ENAH: variants seen among roughly 807,000 people sequenced by gnomAD.
The protein encoded by ENAH is protein enabled homolog.
ENAH carries 23 observed loss-of-function variants against 78.7 expected under a neutral mutation model. That is an observed-to-expected ratio of 0.29 (90% confidence interval 0.21 to 0.41). ENAH has a LOEUF of 0.41. Ranked by LOEUF, ENAH falls within the 10% of genes least tolerant of loss-of-function variation. The probability of loss-of-function intolerance (pLI) is 1.00; values close to 1 mark genes in which losing one functional copy is unlikely to be tolerated. For synonymous variants in ENAH, 226 were observed against 241.0 expected, an observed-to-expected ratio of 0.94 and a Z score of 0.58; for missense variants, 544 against 691.0, an observed-to-expected ratio of 0.79 and a Z score of 2.39.
At chr1:225,529,056 G>GCTGTCACAACACTGCAC (rs1040736753) in intron 4 of ENAH, among the ~76,000 whole-genome samples, 3 of 152,132 alleles carry the variant, frequency 2.0e-5, no homozygotes, top group African/African-American at 7.2e-5. Flanking sequence ...TTGTTGAGCT[G>GCTGTCACAACACTGCAC]CTGTCACAAC....
intron 12 of ENAH, 48 bp from the exon 13 acceptor site, chr1:225,498,452 TAA>T (rs2096262229): frequency 8.5e-7 from 1 of 1,171,996 alleles, no homozygotes; most frequent in Admixed American, 2.2e-5. Flanking sequence ...AAATTACCAC[TAA>T]AGAGATTCTT....
At chr1:225,632,877 G>A (rs141653734) in intron 1 of ENAH, among the ~76,000 whole-genome samples, 9 of 152,210 alleles carry the variant, frequency 5.9e-5, no homozygotes, top group African/African-American at 2.2e-4. Context: ...GCTTGGAAAT[G>A]AGACAAAGCT....
intron 1 of ENAH, among the ~76,000 whole-genome samples, chr1:225,617,370 G>A (rs1028521515): frequency 2.0e-5 from 3 of 152,076 alleles, no homozygotes; most frequent in African/African-American, 4.8e-5. Flanking sequence ...CACAAAAGAC[G>A]TTCTAGTACT....
At chr1:225,596,930 A>C (rs1262724088) in intron 1 of ENAH, among the ~76,000 whole-genome samples, 1 of 152,188 alleles carries the variant, frequency 6.6e-6, no homozygotes, top group Non-Finnish European at 1.5e-5. Flanking sequence ...GTGGGATAAA[A>C]ATGGCAACTA....
intron 10 of ENAH, 40 bp from the exon 11 acceptor site, chr1:225,508,057 G>GCTT: frequency 1.6e-6 from 2 of 1,277,136 alleles, no homozygotes; most frequent in Non-Finnish European, 2.2e-6. Flanking sequence ...ATAAATAAAT[G>GCTT]CTTCCAGAGT....
chr1:225,551,270 T>C lies in ENAH; in HGVS notation c.349+3636A>G, dbSNP rs189894123. On this transcript the variant is annotated intron_variant, in intron 3 of 13. Transcript: ENST00000366843. Reference sequence around the variant, plus strand: ...CTTCTGTACTTTCCAGTATATTAGATAATTGCATACCAAGTTAAAAACAAA... The same window carrying C: ...CTTCTGTACTTTCCAGTATATTAGACAATTGCATACCAAGTTAAAAACAAA... 6.6e-5 allele frequency among the ~76,000 whole-genome samples: 10 copies of C among 152,258 alleles called. 1 individual carries two copies. In the East Asian group the frequency reaches 1.9e-3, roughly 29 times the overall value.
intron 1 of ENAH, among the ~76,000 whole-genome samples, chr1:225,597,900 T>C (rs911985690): frequency 2.0e-5 from 3 of 152,068 alleles, no homozygotes; most frequent in Admixed American, 2.0e-4. Context: ...CCTTACTTTC[T>C]AATCAATGAC....
At chr1:225,546,837 T>C (rs576128061) in intron 3 of ENAH, among the ~76,000 whole-genome samples, 6 of 152,312 alleles carry the variant, frequency 3.9e-5, no homozygotes, top group East Asian at 1.9e-4. Context: ...TTTTGCCACA[T>C]TGTGAACTAT....
intron 1 of ENAH, among the ~76,000 whole-genome samples, chr1:225,641,298 T>C (rs754583693): frequency 1.3e-4 from 19 of 151,772 alleles, no homozygotes; most frequent in Admixed American, 1.1e-3. Context: ...AAATTATGCA[T>C]TTTCCTTCTA....
chr1:225,531,949 A>G (rs150761235), intron 3 of ENAH, among the ~76,000 whole-genome samples: 1 of 152,090 alleles, frequency 6.6e-6, no homozygotes, highest in East Asian at 1.9e-4. Context: ...CTGCAGTGAT[A>G]TATTTCATTA....
At chr1:225,615,805 G>A (rs1238187329) in intron 1 of ENAH, among the ~76,000 whole-genome samples, 4 of 150,384 alleles carry the variant, frequency 2.7e-5, no homozygotes, top group African/African-American at 4.9e-5. Context: ...CCCTCTGCCC[G>A]GCCGCCACCC....
chr1:225,620,745 C>T (rs1481469701), intron 1 of ENAH, among the ~76,000 whole-genome samples: 1 of 152,090 alleles, frequency 6.6e-6, no homozygotes, highest in African/African-American at 2.4e-5. Context: ...TGGCTCACAC[C>T]TGTAATCCCA....
At chr1:225,516,799 G>A (rs540506136) in intron 6 of ENAH, among the ~76,000 whole-genome samples, 83 of 151,890 alleles carry the variant, frequency 5.5e-4, no homozygotes, top group African/African-American at 1.6e-3. Flanking sequence ...GCTGGAACCC[G>A]GGAGGTGGAG....
At chr1:225,536,391 A>AT (rs139132923) in intron 3 of ENAH, among the ~76,000 whole-genome samples, 6,553 of 149,496 alleles carry the variant, frequency 0.044, 224 homozygotes, top group South Asian at 0.11. Context: ...ACAAAAGTAA[A>AT]TTTTTTTTTT....
At chr1:225,565,771 T>G (rs1421812896) in intron 2 of ENAH, among the ~76,000 whole-genome samples, 2 of 152,092 alleles carry the variant, frequency 1.3e-5, no homozygotes, top group Non-Finnish European at 2.9e-5. Flanking sequence ...AAGGGGGCTC[T>G]TGGTAAAAAG....
At position 225,498,331 on chromosome 1, in the gene ENAH, T is replaced by C. The variant is rs1469957606; in HGVS notation, c.1675+16A>G. On this transcript the variant is annotated intron_variant, in intron 13 of 13. Transcript: ENST00000366843. Reference sequence around the variant, plus strand: ...ACATTGTTTTATAGGAATAGTAAATTTGTCCAGACACTTACCATCAATGAG... The same window carrying C: ...ACATTGTTTTATAGGAATAGTAAATCTGTCCAGACACTTACCATCAATGAG... 12 of 1,574,088 alleles carry C rather than the reference T, an allele frequency of 7.6e-6. No individual in the cohort carries two copies. The African/African-American group carries it at 1.4e-4, about 18-fold the overall frequency.
intron 1 of ENAH, among the ~76,000 whole-genome samples, chr1:225,572,864 T>A (rs1171734480): frequency 2.0e-5 from 3 of 152,090 alleles, no homozygotes; most frequent in Non-Finnish European, 4.4e-5. Context: ...TTAATTATAC[T>A]TCATCTTCTG....
At chr1:225,504,841 G>C (rs1030294033) in intron 11 of ENAH, 34 of 471,036 alleles carry the variant, frequency 7.2e-5, no homozygotes, top group African/African-American at 6.8e-4. Context: ...ATCCAACTGT[G>C]AAGTGATGGC....
chr1:225,569,337 T>A, intron 1 of ENAH, among the ~76,000 whole-genome samples: 1 of 152,106 alleles, frequency 6.6e-6, no homozygotes, highest in African/African-American at 2.4e-5. Flanking sequence ...TGTGGGGAGC[T>A]GGGGGAGGGA....
Sources: gnomAD v4.1 joint callset for allele counts (sites outside exome capture counted in the v4.1 genomes callset) on GRCh38, gnomAD v4.1.1 for gene constraint, MANE v1.5 for transcripts, NCBI Gene and HGNC (gene_info 2026-07-23, HGNC 2026-07-21) for gene names.